CATSPERE: variants seen among roughly 807,000 people sequenced by gnomAD.
CATSPERE encodes the protein catsper channel auxiliary subunit epsilon, also known as cation channel sperm-associated auxiliary subunit epsilon.
Under a neutral mutation model 114.1 loss-of-function variants are expected in CATSPERE, and 93 were observed. That is an observed-to-expected ratio of 0.81 (90% confidence interval 0.69 to 0.97). The LOEUF (loss-of-function observed/expected upper bound fraction) is 0.97, where lower values mean the gene tolerates loss of function less well. Ranked by LOEUF, CATSPERE falls within the 50% of genes least tolerant of loss-of-function variation. CATSPERE has a pLI of 0.00. For synonymous variants in CATSPERE, 341 were observed against 384.1 expected (o/e 0.89, Z 1.31); for missense variants, 1,058 against 1,131.6 (o/e 0.93, Z 0.93).
rs180837623 is a variant in CATSPERE, at chr1:244,586,642, A to G, written c.2086-1840A>G. ...CAGCATCAACTCTTTAAGGCCACCA[A>G]ACTTGGCTGGACATCGTCCTATCCC... On this transcript the variant is annotated intron_variant, in intron 13 of 21. Coordinates refer to ENST00000366534, the MANE Select transcript of CATSPERE (RefSeq NM_001130957.2). 4.9e-4 allele frequency among the ~76,000 whole-genome samples: 75 copies of G among 152,334 alleles called. 2 individuals carry two copies. The highest frequency in any genetic ancestry group is 1.8e-3 in the African/African-American group (73 of 41,586).
chr1:244,458,313 T>A (rs1448889051), upstream of CATSPERE, among the ~76,000 whole-genome samples: 3 of 152,204 alleles, frequency 2.0e-5, no homozygotes, highest in East Asian at 3.8e-4. Context: ...TTAGTGTACA[T>A]TATTAATTAT....
upstream of CATSPERE, among the ~76,000 whole-genome samples, chr1:244,459,056 A>G (rs1666407155): frequency 6.6e-6 from 1 of 150,940 alleles, no homozygotes; most frequent in Admixed American, 6.6e-5. Flanking sequence ...ATACCAACTC[A>G]TAGGTATTTG....
intron 6 of CATSPERE, among the ~76,000 whole-genome samples, chr1:244,497,457 G>T (rs775225349): frequency 3.9e-5 from 6 of 152,052 alleles, no homozygotes; most frequent in Non-Finnish European, 8.8e-5. Context: ...CATATGGAAA[G>T]TTGCTCAAAC....
chr1:244,543,142 C>T (rs1176889776), intron 8 of CATSPERE, among the ~76,000 whole-genome samples: 1 of 152,086 alleles, frequency 6.6e-6, no homozygotes, highest in East Asian at 1.9e-4. Context: ...AAGTGTGTAT[C>T]CAAAGGAATG....
chr1:244,528,785 C>CCACGCACGCACACACACACACA (rs1553342506), intron 8 of CATSPERE, among the ~76,000 whole-genome samples: 25 of 130,584 alleles, frequency 1.9e-4, no homozygotes, highest in African/African-American at 7.1e-4. Flanking sequence ...CAATCCCCCA[C>CCACGCACGCACACACACACACA]CACACACACA....
intron 6 of CATSPERE, among the ~76,000 whole-genome samples, chr1:244,498,601 C>G (rs1053263403): frequency 1.3e-5 from 2 of 151,940 alleles, no homozygotes; most frequent in Admixed American, 6.6e-5. Context: ...CTATTTATGG[C>G]TATAAAGAAA....
At chr1:244,556,112 T>G (rs1375077759) in intron 9 of CATSPERE, among the ~76,000 whole-genome samples, 1 of 152,120 alleles carries the variant, frequency 6.6e-6, no homozygotes, top group Non-Finnish European at 1.5e-5. Context: ...GTGGGAAGGT[T>G]GCTTGAGCCC....
chr1:244,552,478 CT>C lies in CATSPERE; in HGVS notation c.694del (p.Ser232ProfsTer8). ...IPEIPGYLPI[S>X]SPRGSQLMAS... The stretch of plus-strand genomic sequence containing the variant: ...CTGAAATTCCTGGTTATTTACCAAT[CT>C]CCTCACCACGTGGTAGTCAATTAAT... On this transcript the variant is annotated frameshift_variant, in exon 9 of 22. Coordinates refer to ENST00000366534, the MANE Select transcript of CATSPERE (RefSeq NM_001130957.2). LOFTEE classifies it high-confidence loss of function. 1 of 1,614,174 alleles carries C rather than the reference CT, an allele frequency of 6.2e-7. No individual in the cohort carries two copies. The highest frequency in any genetic ancestry group is 1.1e-5 in the South Asian group (1 of 91,080).
chr1:244,621,140 A>C (rs1672177192), intron 20 of CATSPERE, among the ~76,000 whole-genome samples: 4 of 78,392 alleles, frequency 5.1e-5, no homozygotes, highest in Admixed American at 1.9e-4. Context: ...TATATATAAA[A>C]TATATATATT....
intron 17 of CATSPERE, chr1:244,598,677 A>G (rs145782579): frequency 3.0e-4 from 74 of 249,988 alleles, no homozygotes; most frequent in African/African-American, 1.5e-3. Flanking sequence ...GCTTTTTTCA[A>G]CATCACCCAT....
rs1675185142 is a variant in CATSPERE at position 244,640,151 on chromosome 1, G to C, written c.*70G>C. The stretch of plus-strand genomic sequence containing the variant: ...ACAGTGTATTACATAGTGATATTGA[G>C]AGTGTGTGTTTGACCAAGAAATACT... On this transcript the variant is annotated 3_prime_UTR_variant, in exon 22 of 22. Coordinates refer to ENST00000366534, the MANE Select transcript of CATSPERE (RefSeq NM_001130957.2). 3 of 1,271,814 alleles carry C rather than the reference G, an allele frequency of 2.4e-6. No homozygotes were observed. The highest frequency in any genetic ancestry group is 3.3e-6 in the Non-Finnish European group (3 of 922,706). The allele number at this position is 1,271,814 out of a possible 1,614,324, so 78.8% of individuals were successfully genotyped here. A position where few individuals can be genotyped will look rare whatever the true frequency, so the allele number is the denominator to read the frequency against.
At chr1:244,478,058 G>T (rs1669648844) in intron 4 of CATSPERE, 83 bp downstream of exon 4, 1 of 1,063,354 alleles carries the variant, frequency 9.4e-7, no homozygotes, top group East Asian at 2.5e-5. Context: ...TTTCTTTTGA[G>T]CTTTTCAATC....
At chr1:244,477,069 C>T (rs564392478) in intron 2 of CATSPERE, among the ~76,000 whole-genome samples, 7 of 152,312 alleles carry the variant, frequency 4.6e-5, no homozygotes, top group South Asian at 4.1e-4. Context: ...GATGTCGGCT[C>T]ACTGCAACCT....
chr1:244,609,757 A>G (rs943365073), intron 18 of CATSPERE, among the ~76,000 whole-genome samples: 6 of 152,244 alleles, frequency 3.9e-5, no homozygotes, highest in African/African-American at 1.2e-4. Flanking sequence ...GTGAGTTTAG[A>G]AATTCTCTCG....
At chr1:244,611,449 G>T (rs887017776) in intron 19 of CATSPERE, among the ~76,000 whole-genome samples, 9 of 151,600 alleles carry the variant, frequency 5.9e-5, no homozygotes, top group Non-Finnish European at 1.2e-4. Context: ...AAAAAAATGA[G>T]CTGGGCCTGG....
At chr1:244,468,971 G>A (rs1668035737) in intron 2 of CATSPERE, among the ~76,000 whole-genome samples, 1 of 152,160 alleles carries the variant, frequency 6.6e-6, no homozygotes, top group South Asian at 2.1e-4. Flanking sequence ...GATTTTCCGT[G>A]ACTCTTCTTG....
chr1:244,491,348 G>A (rs1387504034), intron 6 of CATSPERE, among the ~76,000 whole-genome samples: 1 of 151,890 alleles, frequency 6.6e-6, no homozygotes, highest in African/African-American at 2.4e-5. Flanking sequence ...ATGACTACTG[G>A]GTACATAACG....
In CATSPERE at chr1:244,640,267, G is replaced by A. The variant is rs764523919; in HGVS notation, c.*186G>A. 5 of 452,864 alleles carry A rather than the reference G, an allele frequency of 1.1e-5. No homozygotes were observed. The highest frequency in any genetic ancestry group is 1.9e-5 in the Non-Finnish European group (5 of 259,252). 28.1% of individuals were successfully genotyped at this position (452,864 alleles called of 1,614,324 possible). ...AAATAGAAATGTTTTCATATATATT[G>A]TTATTAAATTAATCCTTTGTTTGCC... On this transcript the variant is annotated 3_prime_UTR_variant, in exon 22 of 22. Transcript: ENST00000366534.
At chr1:244,572,847 G>T (rs544983916) in intron 11 of CATSPERE, 75 bp downstream of exon 11, 196 of 997,086 alleles carry the variant, frequency 2.0e-4, no homozygotes, top group Middle Eastern at 3.3e-4. Flanking sequence ...TTTGTAAATG[G>T]ATTTCCCTTC....
Sources: gnomAD v4.1 joint callset for allele counts (sites outside exome capture counted in the v4.1 genomes callset) on GRCh38, gnomAD v4.1.1 for gene constraint, MANE v1.5 for transcripts, NCBI Gene and HGNC (gene_info 2026-07-23, HGNC 2026-07-21) for gene names.